ZNF503: variants seen among roughly 807,000 people sequenced by gnomAD.
ZNF503 encodes NocA-like zinc finger 2.
Under a neutral mutation model 34.4 loss-of-function variants are expected in ZNF503, and 15 were observed. The ratio of observed to expected loss-of-function variants is 0.44; its 90% CI spans 0.29 to 0.67. ZNF503 has a LOEUF of 0.67. ZNF503 is among the 30% of genes least tolerant of loss of function. ZNF503 has a pLI of 0.13. For missense variants in ZNF503, 1,007 were observed against 926.8 expected (o/e 1.09, Z -1.12); for synonymous variants, 580 against 456.8 (o/e 1.27, Z -3.44).
the ZNF503 span, chr10:75,361,235 C>G: frequency 6.6e-6 from 1 of 152,156 alleles, no homozygotes; most frequent in Admixed American, 6.5e-5. Flanking sequence ...GTACTTTCCT[C>G]TTAGTGTTGT....
chr10:75,301,641 T>A, the ZNF503 span, among the ~76,000 whole-genome samples: 1 of 152,368 alleles, frequency 6.6e-6, no homozygotes, highest in Non-Finnish European at 1.5e-5. Context: ...AATAACAATT[T>A]AAACTATCTT....
chr10:75,290,004 C>T, the ZNF503 span, among the ~76,000 whole-genome samples: 1 of 152,228 alleles, frequency 6.6e-6, no homozygotes, highest in African/African-American at 2.4e-5. Flanking sequence ...ATTCCCCATT[C>T]TCTCTTTCCT....
the ZNF503 span, among the ~76,000 whole-genome samples, chr10:75,334,689 A>G: frequency 1.3e-5 from 2 of 152,224 alleles, no homozygotes; most frequent in African/African-American, 4.8e-5. Flanking sequence ...ATATCCCATT[A>G]GGAGTCCCAG....
At chr10:75,338,618 C>G in the ZNF503 span, among the ~76,000 whole-genome samples, 1 of 152,150 alleles carries the variant, frequency 6.6e-6, no homozygotes, top group African/African-American at 2.4e-5. Flanking sequence ...CAGCAGTGCT[C>G]AGGGCCCTCA....
chr10:75,364,766 T>C, the ZNF503 span, among the ~76,000 whole-genome samples: 1 of 152,158 alleles, frequency 6.6e-6, no homozygotes, highest in African/African-American at 2.4e-5. Flanking sequence ...AGCCTGAGAC[T>C]GTTTAAAAAT....
At chr10:75,370,239 G>A in the ZNF503 span, among the ~76,000 whole-genome samples, 1 of 152,168 alleles carries the variant, frequency 6.6e-6, no homozygotes. Context: ...TAAGTTGACT[G>A]TCTTTTATGA....
chr10:75,349,733 G>A, the ZNF503 span, among the ~76,000 whole-genome samples: 1 of 152,228 alleles, frequency 6.6e-6, no homozygotes, highest in African/African-American at 2.4e-5. Flanking sequence ...GGCTGTGCCT[G>A]GAGGCAGGGC....
At chr10:75,330,937 T>A in the ZNF503 span, among the ~76,000 whole-genome samples, 1 of 152,142 alleles carries the variant, frequency 6.6e-6, no homozygotes, top group Admixed American at 6.5e-5. Flanking sequence ...CATTGTTAGG[T>A]TTTTTATTTG....
At chr10:75,295,070 A>G in the ZNF503 span, among the ~76,000 whole-genome samples, 1 of 151,702 alleles carries the variant, frequency 6.6e-6, no homozygotes, top group Admixed American at 6.6e-5. The surrounding 1 kb of genome is among the most constrained non-coding windows in gnomAD (Gnocchi z 4.0). Flanking sequence ...GGGATTTGTT[A>G]TGACTTGCGA....
the ZNF503 span, among the ~76,000 whole-genome samples, chr10:75,346,599 C>T: frequency 6.6e-6 from 1 of 151,590 alleles, no homozygotes. Context: ...GCCACCATGC[C>T]CAGCTAACTT....
the ZNF503 span, among the ~76,000 whole-genome samples, chr10:75,327,847 G>C: frequency 6.6e-6 from 1 of 152,102 alleles, no homozygotes; most frequent in African/African-American, 2.4e-5. Flanking sequence ...CTGGTAATTA[G>C]TGATGCTGAA....
the ZNF503 span, chr10:75,283,716 AGAT>A: frequency 6.6e-6 from 1 of 152,488 alleles, no homozygotes; most frequent in South Asian, 2.1e-4. Flanking sequence ...AGGAGGAGGA[AGAT>A]GATGAGGAGG....
At chr10:75,291,580 C>T in the ZNF503 span, among the ~76,000 whole-genome samples, 1 of 152,172 alleles carries the variant, frequency 6.6e-6, no homozygotes, top group Non-Finnish European at 1.5e-5. Context: ...CACCACATTC[C>T]AGCCTGGGCA....
the ZNF503 span, among the ~76,000 whole-genome samples, chr10:75,316,277 C>T: frequency 6.6e-6 from 1 of 152,150 alleles, no homozygotes; most frequent in Non-Finnish European, 1.5e-5. Flanking sequence ...ACACATTCTT[C>T]TCAAGTGCAC....
the ZNF503 span, among the ~76,000 whole-genome samples, chr10:75,324,640 G>T: frequency 1.3e-5 from 2 of 152,062 alleles, no homozygotes; most frequent in African/African-American, 2.4e-5. Context: ...GATCCATCTA[G>T]AATTAATTAT....
the ZNF503 span, among the ~76,000 whole-genome samples, chr10:75,314,161 C>T: frequency 3.3e-5 from 5 of 149,636 alleles, no homozygotes; most frequent in South Asian, 8.5e-4. Flanking sequence ...TGCGTGAACC[C>T]GGGAGGCAGA....
the ZNF503 span, among the ~76,000 whole-genome samples, chr10:75,297,334 C>T: frequency 6.6e-6 from 1 of 152,186 alleles, no homozygotes; most frequent in African/African-American, 2.4e-5. Context: ...CTACACCTTC[C>T]TTCCTCTACA....
In ZNF503 at chr10:75,400,446, C is replaced by T. The variant is rs1027970309; in HGVS notation, c.316-72G>A. ...TGGAAACCCTTTAGAATCCTGGCTT[C>T]TGGGGTTCAAATGCCTCTCCGCAAC... On this transcript the variant is annotated intron_variant, in intron 1 of 1. Coordinates refer to ENST00000372524, the MANE Select transcript of ZNF503 (RefSeq NM_032772.6). 6.7e-5 allele frequency: 100 copies of T among 1,489,344 alleles called. No individual in the cohort carries two copies. The Middle Eastern group carries it at 7.2e-4, about 11-fold the overall frequency. 92.3% of individuals were successfully genotyped at this position (1,489,344 alleles called of 1,614,324 possible). A position where few individuals can be genotyped will look rare whatever the true frequency, so the allele number is the denominator to read the frequency against.
chr10:75,372,323 C>A, the ZNF503 span, among the ~76,000 whole-genome samples: 1 of 152,202 alleles, frequency 6.6e-6, no homozygotes. Context: ...AAGCACAAGT[C>A]TCTTGGATTC....
Sources: allele counts gnomAD v4.1 joint callset (sites outside exome capture counted in the v4.1 genomes callset), GRCh38; gene constraint gnomAD v4.1.1; non-coding constraint Gnocchi (gnomAD v3.1); transcripts MANE v1.5; gene names NCBI Gene and HGNC (gene_info 2026-07-23, HGNC 2026-07-21).